Variants in AOPEP observed in about 807,000 individuals in gnomAD.
The protein encoded by AOPEP is aminopeptidase O (putative).
In AOPEP, 77 loss-of-function variants were observed where a neutral mutation model predicts 98.1. The observed-to-expected ratio is 0.78, with a 90% CI of 0.65 to 0.95. AOPEP has a LOEUF of 0.95. Among genes scored for constraint, AOPEP ranks in the 40% least tolerant of loss-of-function variants. The probability of loss-of-function intolerance (pLI) is 0.00; values close to 1 mark genes in which losing one functional copy is unlikely to be tolerated. For missense variants in AOPEP, 1,024 were observed against 1,024.7 expected (o/e 1.00, Z 0.01); for synonymous variants, 346 against 365.3 (o/e 0.95, Z 0.60).
At chr9:94,776,240 A>G (rs1354693475) in intron 3 of AOPEP, among the ~76,000 whole-genome samples, 1 of 152,126 alleles carries the variant, frequency 6.6e-6, no homozygotes, top group Non-Finnish European at 1.5e-5. Context: ...CCCTTTTAGA[A>G]TAAATTTATT....
intron 13 of AOPEP, among the ~76,000 whole-genome samples, chr9:95,045,566 G>A (rs2065787364): frequency 2.0e-5 from 3 of 152,214 alleles, no homozygotes; most frequent in Non-Finnish European, 4.4e-5. Flanking sequence ...TCCTCTCCGC[G>A]GAGGGCTCTG....
At chr9:95,017,197 A>G (rs774553343) in intron 13 of AOPEP, among the ~76,000 whole-genome samples, 4 of 151,892 alleles carry the variant, frequency 2.6e-5, no homozygotes, top group Non-Finnish European at 5.9e-5. Flanking sequence ...CCTAACCATC[A>G]CACATACATA....
chr9:94,793,078 A>G (rs1017195576), intron 4 of AOPEP, among the ~76,000 whole-genome samples, 160 bp downstream of exon 4: 6 of 152,222 alleles, frequency 3.9e-5, no homozygotes, highest in African/African-American at 1.4e-4. Context: ...TAGAAAGGAA[A>G]GAGAGGGCTA....
intron 7 of AOPEP, among the ~76,000 whole-genome samples, chr9:94,946,157 A>T (rs1747463485): frequency 1.3e-5 from 2 of 152,186 alleles, no homozygotes; most frequent in Admixed American, 6.5e-5. Context: ...GCTTCCTCTA[A>T]ATAATTCATT....
chr9:94,949,290 AC>A (rs2057923474), intron 7 of AOPEP, among the ~76,000 whole-genome samples: 1 of 152,126 alleles, frequency 6.6e-6, no homozygotes, highest in South Asian at 2.1e-4. Flanking sequence ...TCATTTTCCC[AC>A]CCTGATTATT....
chr9:95,150,081 A>G, the AOPEP span: 4 of 1,614,018 alleles, frequency 2.5e-6, no homozygotes, highest in Non-Finnish European at 2.5e-6. Flanking sequence ...CTCGCTCGGG[A>G]GCCATTCTAT....
intron 11 of AOPEP, among the ~76,000 whole-genome samples, chr9:94,995,788 G>A (rs751804120): frequency 6.6e-6 from 1 of 152,170 alleles, no homozygotes; most frequent in Non-Finnish European, 1.5e-5. Flanking sequence ...TGGGTGGTAG[G>A]TTCTTAAATC....
the AOPEP span, among the ~76,000 whole-genome samples, chr9:95,112,924 C>T: frequency 6.6e-6 from 1 of 152,228 alleles, no homozygotes; most frequent in South Asian, 2.1e-4. Flanking sequence ...TTTGACATCA[C>T]ACATTCTGAG....
In AOPEP at chr9:94,927,383, G is replaced by A. The variant is rs145675773; in HGVS notation, c.1555-1042G>A. On this transcript the variant is annotated intron_variant, in intron 6 of 16. Transcript: ENST00000375315. ...AGCAGGCACATGGGGTCTGAGGATC[G>A]TCTGGCCTCTGCCAGCTTCCCTGCA... Among the ~76,000 whole-genome samples, 343 of 152,322 alleles carry A rather than the reference G, an allele frequency of 2.3e-3. 2 individuals are homozygous for A. The highest frequency in any genetic ancestry group is 7.8e-3 in the African/African-American group (325 of 41,564).
At position 94,779,704 on chromosome 9, in the gene AOPEP, A is replaced by C. The variant is rs1588169191; in HGVS notation, c.964+6536A>C. Among the ~76,000 whole-genome samples, 3 of 151,816 alleles carry C rather than the reference A, an allele frequency of 2.0e-5. 1 individual carries two copies. ...AATATATAAATATAAATTGAATATA[A>C]ATATTAATATTTTGCTGAGATGAAA... On this transcript the variant is annotated intron_variant, in intron 3 of 16. Transcript: ENST00000375315.
intron 7 of AOPEP, among the ~76,000 whole-genome samples, chr9:94,943,919 C>CAAAAAAAAAA (rs775807087): frequency 1.1e-4 from 2 of 17,414 alleles, no homozygotes; most frequent in African/African-American, 1.9e-4. Context: ...GACTCCATCT[C>CAAAAAAAAAA]AAAAAAAAAA....
downstream of AOPEP, among the ~76,000 whole-genome samples, chr9:95,092,102 AGGGAGAGGCAGT>A (rs2070876019): frequency 3.3e-5 from 5 of 151,898 alleles, no homozygotes; most frequent in Admixed American, 2.0e-4. Context: ...ACACACTAGT[AGGGAGAGGCAGT>A]GCAGGGCTAA....
chr9:94,734,214 A>G (rs1831227703), intron 1 of AOPEP, among the ~76,000 whole-genome samples: 1 of 152,018 alleles, frequency 6.6e-6, no homozygotes, highest in African/African-American at 2.4e-5. Flanking sequence ...AGGGTGGGGG[A>G]GCTTGTCTTG....
At chr9:94,804,772 G>A (rs1192348848) in intron 5 of AOPEP, among the ~76,000 whole-genome samples, 1 of 152,190 alleles carries the variant, frequency 6.6e-6, no homozygotes, top group African/African-American at 2.4e-5. Flanking sequence ...GAGAAAATTA[G>A]TGTACGTGAA....
At chr9:94,886,755 AT>A (rs1292315498) in intron 5 of AOPEP, among the ~76,000 whole-genome samples, 7 of 152,236 alleles carry the variant, frequency 4.6e-5, no homozygotes, top group African/African-American at 1.7e-4. Context: ...AATTAAGCTC[AT>A]AAGTCTAAAA....
chr9:95,111,130 G>A, the AOPEP span: 43 of 1,533,482 alleles, frequency 2.8e-5, no homozygotes, highest in African/African-American at 2.3e-4. Flanking sequence ...AGAACAGCCC[G>A]CCTCTGCAGG....
intron 5 of AOPEP, among the ~76,000 whole-genome samples, chr9:94,880,207 A>T (rs1316896585): frequency 6.6e-6 from 1 of 152,206 alleles, no homozygotes; most frequent in African/African-American, 2.4e-5. Context: ...AATCTTAATC[A>T]TAACGATCTG....
At chr9:94,778,890 G>A (rs1422101431) in intron 3 of AOPEP, among the ~76,000 whole-genome samples, 5 of 152,072 alleles carry the variant, frequency 3.3e-5, no homozygotes, top group Admixed American at 1.3e-4. Flanking sequence ...TTAGCTGGGC[G>A]TGGTGGTACA....
At chr9:94,745,433 G>A (rs1415646394) in intron 1 of AOPEP, among the ~76,000 whole-genome samples, 1 of 152,000 alleles carries the variant, frequency 6.6e-6, no homozygotes, top group Non-Finnish European at 1.5e-5. Flanking sequence ...CTGCCACCAT[G>A]CCCGGCTAAT....
Sources: gnomAD v4.1 joint callset for allele counts (sites outside exome capture counted in the v4.1 genomes callset) on GRCh38, gnomAD v4.1.1 for gene constraint, MANE v1.5 for transcripts, NCBI Gene and HGNC (gene_info 2026-07-23, HGNC 2026-07-21) for gene names.